Variants in FMN2 observed in about 807,000 individuals in gnomAD.
FMN2 encodes formin 2, also known as formin-2.
In FMN2, 51 loss-of-function variants were observed where a neutral mutation model predicts 142.3. The ratio of observed to expected loss-of-function variants is 0.36; its 90% CI spans 0.29 to 0.45. The LOEUF is 0.45. Ranked by LOEUF, FMN2 falls within the 20% of genes least tolerant of loss-of-function variation. The probability of loss-of-function intolerance (pLI) is 1.00; values close to 1 mark genes in which losing one functional copy is unlikely to be tolerated. For missense variants in FMN2, 1,936 were observed against 2,122.8 expected (o/e 0.91, Z 1.73); for synonymous variants, 882 against 869.8 (o/e 1.01, Z -0.25).
chr1:240,143,255 T>C (rs184817765), intron 2 of FMN2: 5 of 1,578,998 alleles, frequency 3.2e-6, no homozygotes, highest in East Asian at 2.2e-5. Context: ...CATCATGAGA[T>C]AATTTGCTTA....
Position 240,092,474 on chromosome 1 carries a change from G to T in FMN2, c.365G>T (p.Ser122Ile), listed in dbSNP as rs752474750. Reference protein sequence around the residue: ...HSLLTKTPDLSLSADEAGLSD... With the variant: ...HSLLTKTPDLILSADEAGLSD... The stretch of plus-strand genomic sequence containing the variant: ...CTGCTCACCAAGACTCCAGACCTCA[G>T]CCTCTCGGCGGACGAGGCCGGCCTG... Residue 122 changes from serine to isoleucine, a missense_variant, in exon 1 of 18, where the codon AGC becomes ATC. This residue lies in a region of FMN2 where 751 missense variants were observed against 791.8 expected (regional missense o/e 0.95). Transcript: ENST00000319653. The T allele has an allele frequency of 5.0e-6, 8 of 1,608,780 alleles. No homozygotes were observed. The highest frequency in any genetic ancestry group is 6.8e-6 in the Non-Finnish European group (8 of 1,177,642).
At chr1:240,244,372 A>G (rs1167667439) in intron 6 of FMN2, among the ~76,000 whole-genome samples, 1 of 152,228 alleles carries the variant, frequency 6.6e-6, no homozygotes, top group Non-Finnish European at 1.5e-5. Context: ...ACTTCAAGTT[A>G]TCTCTATTGG....
intron 7 of FMN2, among the ~76,000 whole-genome samples, chr1:240,277,400 T>A (rs561425489): frequency 6.6e-6 from 1 of 151,766 alleles, no homozygotes; most frequent in South Asian, 2.1e-4. Flanking sequence ...AGGACTGCCA[T>A]GTTTGAATAC....
At chr1:240,183,404 A>G (rs1223789923) in intron 3 of FMN2, among the ~76,000 whole-genome samples, 1 of 148,278 alleles carries the variant, frequency 6.7e-6, no homozygotes, top group Non-Finnish European at 1.5e-5. Context: ...CAACATGTAA[A>G]TATATAATAT....
At chr1:240,265,615 G>A (rs1472487664) in intron 7 of FMN2, among the ~76,000 whole-genome samples, 2 of 152,118 alleles carry the variant, frequency 1.3e-5, no homozygotes, top group Non-Finnish European at 2.9e-5. Flanking sequence ...TTCTGTTTAA[G>A]CACCCCAGTT....
At chr1:240,219,153 T>G (rs1278398420) in intron 6 of FMN2, among the ~76,000 whole-genome samples, 1 of 152,194 alleles carries the variant, frequency 6.6e-6, no homozygotes, top group African/African-American at 2.4e-5. Flanking sequence ...ATGTAGATCA[T>G]TTATATTCAT....
At chr1:240,143,587 G>T in intron 2 of FMN2, 10 of 1,606,416 alleles carry the variant, frequency 6.2e-6, no homozygotes, top group Non-Finnish European at 7.7e-6. Flanking sequence ...GCCTGCCTAT[G>T]CACACACATC....
At chr1:240,147,235 G>A (rs973831248) in intron 2 of FMN2, among the ~76,000 whole-genome samples, 51 of 152,156 alleles carry the variant, frequency 3.4e-4, no homozygotes, top group African/African-American at 1.1e-3. Flanking sequence ...TGTGAAAACT[G>A]AGACTTAGGG....
chr1:240,292,453 C>T (rs1474979436), intron 7 of FMN2, among the ~76,000 whole-genome samples: 1 of 152,174 alleles, frequency 6.6e-6, no homozygotes, highest in African/African-American at 2.4e-5. Context: ...CATATTCCCA[C>T]CCAAATAGCT....
intron 2 of FMN2, chr1:240,144,619 C>T: frequency 7.7e-7 from 1 of 1,292,646 alleles, no homozygotes; most frequent in South Asian, 1.2e-5. Flanking sequence ...AGAACACACC[C>T]AGGGCACAAC....
At chr1:240,419,891 T>C (rs1420153890) in intron 15 of FMN2, among the ~76,000 whole-genome samples, 1 of 152,084 alleles carries the variant, frequency 6.6e-6, no homozygotes, top group East Asian at 1.9e-4. Context: ...CCCTTTTCTG[T>C]GGTCATAGAG....
At chr1:240,152,000 C>G (rs1316140789) in intron 2 of FMN2, among the ~76,000 whole-genome samples, 1 of 152,114 alleles carries the variant, frequency 6.6e-6, no homozygotes, top group Non-Finnish European at 1.5e-5. Flanking sequence ...CTCCTGGGCT[C>G]AAGCAATCCT....
intron 14 of FMN2, among the ~76,000 whole-genome samples, chr1:240,373,990 T>C (rs1572243505): frequency 6.6e-6 from 1 of 152,354 alleles, no homozygotes; most frequent in African/African-American, 2.4e-5. Flanking sequence ...TTGATCTAAA[T>C]AGATGTTGTA....
chr1:240,134,655 CAGAG>C (rs1662867339), intron 2 of FMN2, among the ~76,000 whole-genome samples: 1 of 151,744 alleles, frequency 6.6e-6, no homozygotes, highest in African/African-American at 2.4e-5. Flanking sequence ...TAAAGAGAGA[CAGAG>C]AGAAAAAAGA....
At chr1:240,307,995 G>A (rs1223552550) in intron 8 of FMN2, among the ~76,000 whole-genome samples, 1 of 142,358 alleles carries the variant, frequency 7.0e-6, no homozygotes, top group Non-Finnish European at 1.5e-5. Flanking sequence ...AATTATTGTG[G>A]CTATTAGGTA....
At chr1:240,289,943 A>G (rs1271520867) in intron 7 of FMN2, among the ~76,000 whole-genome samples, 2 of 152,178 alleles carry the variant, frequency 1.3e-5, no homozygotes, top group Non-Finnish European at 2.9e-5. Context: ...GGGTAATTCA[A>G]CATTTGTAGT....
chr1:240,356,028 G>A, intron 14 of FMN2, 120 bp downstream of exon 14: 1 of 651,864 alleles, frequency 1.5e-6, no homozygotes, highest in East Asian at 2.8e-5. Context: ...GCTTTAAAAG[G>A]GCTTATTTTG....
At chr1:240,209,402 C>T (rs1309338225) in intron 5 of FMN2, among the ~76,000 whole-genome samples, 2 of 151,634 alleles carry the variant, frequency 1.3e-5, no homozygotes, top group Admixed American at 6.6e-5. Flanking sequence ...AGGCGCCCGC[C>T]ACCACGCCCG....
chr1:240,156,033 G>A (rs948360967), intron 2 of FMN2, among the ~76,000 whole-genome samples: 8 of 151,966 alleles, frequency 5.3e-5, no homozygotes, highest in African/African-American at 1.9e-4. Context: ...GAGCCTAGGA[G>A]TTTGAAACCA....
Sources: allele counts gnomAD v4.1 joint callset (sites outside exome capture counted in the v4.1 genomes callset), GRCh38; gene constraint gnomAD v4.1.1; regional missense constraint gnomAD v4.1.1; transcripts MANE v1.5; gene names NCBI Gene and HGNC (gene_info 2026-07-23, HGNC 2026-07-21).